Variants in IGSF9 observed in about 807,000 individuals in gnomAD.
IGSF9 encodes immunoglobulin superfamily member 9.
IGSF9 carries 87 observed loss-of-function variants against 121.7 expected under a neutral mutation model. That is an observed-to-expected ratio of 0.71 (90% CI 0.60 to 0.85). IGSF9 has a LOEUF of 0.85. Among genes scored for constraint, IGSF9 ranks in the 40% least tolerant of loss-of-function variants. The pLI, the probability that IGSF9 is intolerant of heterozygous loss-of-function variation, is 0.00. For synonymous variants in IGSF9, 640 were observed against 648.4 expected, an observed-to-expected ratio of 0.99 and a Z score of 0.20; for missense variants, 1,462 against 1,565.3, an observed-to-expected ratio of 0.93 and a Z score of 1.11.
In IGSF9 at chr1:159,927,391, G is replaced by C. The variant is rs369321557; in HGVS notation, c.3494C>G (p.Ala1165Gly). Residue 1165 changes from alanine (A) to glycine (G), a missense_variant, in exon 21 of 21, where the codon GCC (alanine) becomes GGC (glycine). Physicochemically the swap from Ala to Gly is moderately conservative, Grantham distance 60 (BLOSUM62 0). Coordinates refer to ENST00000368094, the MANE Select transcript of IGSF9 (RefSeq NM_001135050.2). ...RRDATRARLP[A>G]YRQPVPHPEQ... ...GGGGTGGGGGACTGGCTGTCGATAG[G>C]CTGGTAGCCGAGCCCTAGTAGCATC... is the stretch of plus-strand genomic sequence containing the variant. 1 of 1,613,660 alleles carries C rather than the reference G, an allele frequency of 6.2e-7. No individual in the cohort carries two copies. Among genetic ancestry groups the C allele is most frequent in the African/African-American group, 1.3e-5 (1 of 74,938 alleles).
At chr1:159,930,532 A>C in intron 14 of IGSF9, 93 bp from the exon 15 acceptor site, 1 of 1,514,874 alleles carries the variant, frequency 6.6e-7, no homozygotes, top group Non-Finnish European at 8.8e-7. Context: ...TTCTCCCAGA[A>C]CCCCTGAAGA....
chr1:159,934,953 G>A (rs2101879062), intron 6 of IGSF9, 131 bp from the exon 7 acceptor site: 1 of 1,037,490 alleles, frequency 9.6e-7, no homozygotes, highest in South Asian at 1.6e-5. Context: ...GCTTTGGGGA[G>A]TGGAAGCAGA....
chr1:159,943,836 T>A (rs981442884), intron 1 of IGSF9, among the ~76,000 whole-genome samples: 1 of 151,744 alleles, frequency 6.6e-6, no homozygotes, highest in African/African-American at 2.4e-5. Context: ...ATGCAGATAC[T>A]AGAAAGGTGA....
chr1:159,935,447 G>C (rs1448490352), intron 6 of IGSF9, among the ~76,000 whole-genome samples: 1 of 152,174 alleles, frequency 6.6e-6, no homozygotes, highest in Non-Finnish European at 1.5e-5. Flanking sequence ...ATGGGCAGCT[G>C]GCTGTCCCCC....
In IGSF9 at chr1:159,931,663, C is replaced by G. The variant is rs1651004328; in HGVS notation, c.1363-60G>C. 6.3e-7 allele frequency: 1 copy of G among 1,584,388 alleles called. No individual in the cohort carries two copies. The highest frequency in any genetic ancestry group is 8.6e-7 in the Non-Finnish European group (1 of 1,160,810). On this transcript the variant is annotated intron_variant, in intron 11 of 20. Coordinates refer to ENST00000368094, the MANE Select transcript of IGSF9 (RefSeq NM_001135050.2). The surrounding 1 kb of genome is among the most constrained non-coding windows in gnomAD (Gnocchi z 4.8). ...CAGCCACCCCTCACCAAAGGCGCCC[C>G]TCATCTCTCCAGGCAGCTCCAGTTC...
chr1:159,935,572 TC>T (rs1447414863), intron 6 of IGSF9, among the ~76,000 whole-genome samples: 1 of 151,964 alleles, frequency 6.6e-6, no homozygotes, highest in African/African-American at 2.4e-5. Flanking sequence ...CACTACTCCT[TC>T]CCCTCTCTGG....
At position 159,927,093 on chromosome 1, in the gene IGSF9, C is replaced by CAG. The variant is rs1247584070; in HGVS notation, c.*251_*252insCT. ...AAAAAACTTCACACACACACACACA[C>CAG]ACACAGAGAGAGAGAGAGAGAGAGA... is the stretch of plus-strand genomic sequence containing the variant. On this transcript the variant is annotated 3_prime_UTR_variant, in exon 21 of 21. Coordinates refer to ENST00000368094, the MANE Select transcript of IGSF9 (RefSeq NM_001135050.2). 123 of 535,892 alleles carry CAG rather than the reference C, an allele frequency of 2.3e-4. No homozygotes were observed. Among genetic ancestry groups the CAG allele is most frequent in the Middle Eastern group, 9.9e-4 (2 of 2,024 alleles). The allele number at this position is 535,892 out of a possible 1,614,324, so 33.2% of individuals were successfully genotyped here. A position where few individuals can be genotyped will look rare whatever the true frequency, so the allele number is the denominator to read the frequency against.
At position 159,936,768 on chromosome 1, in the gene IGSF9, G is replaced by C; in HGVS notation, c.541C>G (p.Gln181Glu). The C allele has an allele frequency of 6.2e-7, 1 of 1,614,194 alleles. No individual in the cohort carries two copies. The highest frequency in any genetic ancestry group is 2.2e-5 in the East Asian group (1 of 44,880). Residue 181 changes from glutamine (Q) to glutamate (E), a missense_variant, in exon 5 of 21, where the codon CAG becomes GAG. Around this residue, in one of 3 missense-constraint regions of IGSF9, gnomAD observed 558 missense variants for 599.4 expected, o/e 0.93. Transcript: ENST00000368094. The stretch of plus-strand genomic sequence containing the variant: ...CCAGGACTCACTTGCACCTGGCCCT[G>C]GCCCTGGCCAAGGTCCTTTCCTCGG... ...KLRGKDLGQG[Q>E]GQVQVQNGTL...
chr1:159,943,075 G>A lies in IGSF9; in HGVS notation c.135C>T (p.Pro45=), dbSNP rs765653090. 5.6e-6 allele frequency: 9 copies of A among 1,612,510 alleles called. No individual in the cohort carries two copies. The highest frequency in any genetic ancestry group is 5.5e-5 in the South Asian group (5 of 90,872). Reference sequence around the variant, plus strand: ...CATGCAGGGGGGGCCGGCCGGCCGGGGGCAGCAGGTCACAGCCCAGCACCA... The same window carrying A: ...CATGCAGGGGGGGCCGGCCGGCCGGAGGCAGCAGGTCACAGCCCAGCACCA... ...ESVVLGCDLL[P]PAGRPPLHVI... Residue 45 remains proline (P), a synonymous_variant, in exon 3 of 21, where the codon CCC becomes CCT. Transcript: ENST00000368094.
intron 6 of IGSF9, among the ~76,000 whole-genome samples, chr1:159,935,762 C>T (rs1267569719): frequency 6.6e-6 from 1 of 152,236 alleles, no homozygotes; most frequent in African/African-American, 2.4e-5. Context: ...AGTGAAGGCT[C>T]AGAGGCAGAG....
At chr1:159,929,291 G>T (rs1650882610) in intron 18 of IGSF9, 60 bp downstream of exon 18, 2 of 1,570,034 alleles carry the variant, frequency 1.3e-6, no homozygotes, top group Non-Finnish European at 1.8e-6. Flanking sequence ...AAAGGAAGCA[G>T]AAGATACTGG....
chr1:159,932,469 T>C lies in IGSF9; in HGVS notation c.1245+43A>G. The C allele has an allele frequency of 7.0e-7, 1 of 1,434,972 alleles. No homozygotes were observed. Among genetic ancestry groups the C allele is most frequent in the Non-Finnish European group, 9.4e-7 (1 of 1,058,522 alleles). 88.9% of individuals were successfully genotyped at this position (1,434,972 alleles called of 1,614,324 possible). A position where few individuals can be genotyped will look rare whatever the true frequency, so the allele number is the denominator to read the frequency against. On this transcript the variant is annotated intron_variant, in intron 10 of 20. Transcript: ENST00000368094. The surrounding 1 kb of genome is among the most constrained non-coding windows in gnomAD (Gnocchi z 4.1). The stretch of plus-strand genomic sequence containing the variant: ...GGCCTTAGCACCATCTCCAGCCATC[T>C]GACCCACTGTCACCACAGGCCCCCG...
Position 159,933,906 on chromosome 1 carries a change from G to T in IGSF9, c.1104+284C>A, listed in dbSNP as rs1651089761. 3 of 469,176 alleles carry T rather than the reference G, an allele frequency of 6.4e-6. No individual in the cohort carries two copies. In the South Asian group the frequency reaches 6.8e-5, roughly 11 times the overall value. 29.1% of individuals were successfully genotyped at this position (469,176 alleles called of 1,614,324 possible). On this transcript the variant is annotated intron_variant, in intron 9 of 20. Transcript: ENST00000368094. ...ACAATTTCCCAGTCATCACACGAAA[G>T]AAACTTCAGTTCTCCTTCTTGACTC...
Position 159,936,507 on chromosome 1 carries a change from C to A in IGSF9, c.565G>T (p.Gly189Trp), listed in dbSNP as rs1395263013. 2.5e-6 allele frequency: 4 copies of A among 1,613,878 alleles called. No homozygotes were observed. The highest frequency in any genetic ancestry group is 3.4e-6 in the Non-Finnish European group (4 of 1,179,910). ...QGQGQVQVQN[G>W]TLRIRRVERG... Reference sequence around the variant, plus strand: ...TCTACCCGGCGGATCCGCAGCGTCCCGTTCTGCACCTAGGGAAGGAGTGGG... The same window carrying A: ...TCTACCCGGCGGATCCGCAGCGTCCAGTTCTGCACCTAGGGAAGGAGTGGG... Residue 189 changes from glycine (G) to tryptophan (W), a missense_variant, in exon 6 of 21, where the codon GGG (glycine) becomes TGG (tryptophan). Gly to Trp is a radical substitution (Grantham distance 184, BLOSUM62 -2). Transcript: ENST00000368094.
At position 159,932,786 on chromosome 1, in the gene IGSF9, T is replaced by C. The variant is rs1651043070; in HGVS notation, c.1105-134A>G. On this transcript the variant is annotated intron_variant, in intron 9 of 20. Transcript: ENST00000368094. The surrounding 1 kb of genome is among the most constrained non-coding windows in gnomAD (Gnocchi z 4.1). ...ACTCCAGCAGCTCCATGTCTAGGCC[T>C]GACCCCTCTCTGATTTCCAGTGCTT... 2.4e-6 allele frequency: 2 copies of C among 822,084 alleles called. No individual in the cohort carries two copies. Among genetic ancestry groups the C allele is most frequent in the Admixed American group, 3.1e-5 (1 of 32,072 alleles). The allele number at this position is 822,084 out of a possible 1,614,324, so 50.9% of individuals were successfully genotyped here.
In IGSF9 at chr1:159,934,585, G is replaced by A. The variant is rs924042645; in HGVS notation, c.816-15C>T. 4 of 1,613,460 alleles carry A rather than the reference G, an allele frequency of 2.5e-6. No individual in the cohort carries two copies. Among genetic ancestry groups the A allele is most frequent in the Admixed American group, 3.3e-5 (2 of 60,008 alleles). ...GCTGCAGGCGGCTGCAATGTGGCATGTGTGAGGAGGGGTCCAGGCCTTGCC... is the reference window on the plus strand; with the variant it reads ...GCTGCAGGCGGCTGCAATGTGGCATATGTGAGGAGGGGTCCAGGCCTTGCC... On this transcript the variant is annotated splice_polypyrimidine_tract_variant and intron_variant, in intron 7 of 20. Transcript: ENST00000368094.
At chr1:159,935,737 T>A (rs972385213) in intron 6 of IGSF9, among the ~76,000 whole-genome samples, 1 of 152,218 alleles carries the variant, frequency 6.6e-6, no homozygotes. Flanking sequence ...ATTGTCTCCA[T>A]TTTCTAGATG....
chr1:159,934,507 A>C lies in IGSF9; in HGVS notation c.879T>G (p.Pro293=). 1 of 1,613,204 alleles carries C rather than the reference A, an allele frequency of 6.2e-7. No homozygotes were observed. Among genetic ancestry groups the C allele is most frequent in the Non-Finnish European group, 8.5e-7 (1 of 1,179,568 alleles). Reference sequence around the variant, plus strand: ...CACAGGTGTAGCAGCCGGCATCATCAGGCTGGGTGGCCAGCAGCCGCAGGC... The same window carrying C: ...CACAGGTGTAGCAGCCGGCATCATCCGGCTGGGTGGCCAGCAGCCGCAGGC... ...DGSLRLLATQ[P]DDAGCYTCVP... Residue 293 remains proline (P), a synonymous_variant, in exon 8 of 21, where the codon CCT becomes CCG. Transcript: ENST00000368094.
At chr1:159,944,446 C>A (rs958152351) in intron 1 of IGSF9, among the ~76,000 whole-genome samples, 3 of 152,122 alleles carry the variant, frequency 2.0e-5, no homozygotes, top group Non-Finnish European at 4.4e-5. Flanking sequence ...TGCCAAGCAG[C>A]CCTCCCCCTG....
Sources: allele counts gnomAD v4.1 joint callset (sites outside exome capture counted in the v4.1 genomes callset), GRCh38; gene constraint gnomAD v4.1.1; regional missense constraint gnomAD v4.1.1; non-coding constraint Gnocchi (gnomAD v3.1); transcripts MANE v1.5; gene names NCBI Gene and HGNC (gene_info 2026-07-23, HGNC 2026-07-21).